Variants in RB1 observed in about 807,000 individuals in gnomAD.
RB1 encodes the protein RB transcriptional corepressor 1.
In RB1, 18 loss-of-function variants were observed where a neutral mutation model predicts 135.4. The observed-to-expected ratio is 0.13, with a 90% CI of 0.09 to 0.20. RB1 has a LOEUF of 0.20. RB1 is among the 10% of genes least tolerant of loss of function. The probability of loss-of-function intolerance (pLI) is 1.00; values close to 1 mark genes in which losing one functional copy is unlikely to be tolerated. For synonymous variants in RB1, 365 were observed against 373.2 expected (o/e 0.98, Z 0.25); for missense variants, 868 against 1,110.0 (o/e 0.78, Z 3.10).
chr13:48,441,819 T>C (rs1394988815), intron 17 of RB1, among the ~76,000 whole-genome samples: 1 of 152,174 alleles, frequency 6.6e-6, no homozygotes, highest in Non-Finnish European at 1.5e-5. Context: ...CATTCTGTGG[T>C]ATAGAGATCC....
chr13:48,427,207 C>T (rs1360779678), intron 17 of RB1, among the ~76,000 whole-genome samples: 13 of 114,974 alleles, frequency 1.1e-4, no homozygotes, highest in African/African-American at 1.3e-4. Flanking sequence ...GGGGAGCACA[C>T]TTCAACACGA....
chr13:48,449,725 T>TA (rs1021332919), intron 17 of RB1, among the ~76,000 whole-genome samples: 7 of 151,198 alleles, frequency 4.6e-5, no homozygotes, highest in South Asian at 2.1e-4. Flanking sequence ...CCCTGTCTCT[T>TA]AAAAAAAAAG....
chr13:48,456,732 A>G lies in RB1; in HGVS notation c.1960+383A>G, dbSNP rs568074285. ...CAAGCATGAGATCTGGCCATTGCCC[A>G]CAGTCAGAAATGCTGGCTGCTGCAG... On this transcript the variant is annotated intron_variant, in intron 19 of 26. Coordinates refer to ENST00000267163, the MANE Select transcript of RB1 (RefSeq NM_000321.3). Among the ~76,000 whole-genome samples, 3 of 152,366 alleles carry G rather than the reference A, an allele frequency of 2.0e-5. No individual in the cohort carries two copies. The East Asian group carries it at 5.8e-4, about 29-fold the overall frequency.
At chr13:48,311,470 T>G (rs1952130179) in intron 2 of RB1, among the ~76,000 whole-genome samples, 1 of 152,214 alleles carries the variant, frequency 6.6e-6, no homozygotes, top group Non-Finnish European at 1.5e-5. Context: ...GTGTGGTATA[T>G]AGCATGTTGC....
chr13:48,445,096 A>G (rs1269433230), intron 17 of RB1: 1 of 152,242 alleles, frequency 6.6e-6, no homozygotes, highest in African/African-American at 2.4e-5. Flanking sequence ...CGCCTGGCAT[A>G]TTCTTGAGAC....
At chr13:48,314,789 A>AG (rs1303143443) in intron 2 of RB1, among the ~76,000 whole-genome samples, 1 of 151,888 alleles carries the variant, frequency 6.6e-6, no homozygotes, top group Non-Finnish European at 1.5e-5. Context: ...CAAAAAAAAA[A>AG]AGAAAAAGCA....
rs183898408 is a variant in RB1 at position 48,364,952 on chromosome 13, C to T, written c.920C>T (p.Thr307Ile). The stretch of plus-strand genomic sequence containing the variant: ...TTTATGAATTCTCTTGGACTTGTAA[C>T]ATCTAATGGACTTCCAGAGGTAATC... ...IPFMNSLGLV[T>I]SNGLPEVENL... Residue 307 changes from threonine to isoleucine, a missense_variant, in exon 9 of 27, where the codon ACA becomes ATA. Coordinates refer to ENST00000267163, the MANE Select transcript of RB1 (RefSeq NM_000321.3). The T allele has an allele frequency of 1.1e-3, 1,739 of 1,571,430 alleles. 7 individuals carry two copies. Among genetic ancestry groups the T allele is most frequent in the South Asian group, 4.6e-3 (396 of 86,602 alleles).
At chr13:48,375,747 T>C (rs1461048926) in intron 12 of RB1, among the ~76,000 whole-genome samples, 2 of 151,400 alleles carry the variant, frequency 1.3e-5, no homozygotes, top group Non-Finnish European at 2.9e-5. Flanking sequence ...TCCAGCTAAT[T>C]ATTGTAATTT....
At chr13:48,362,584 G>A (rs1237679733) in intron 7 of RB1, among the ~76,000 whole-genome samples, 1 of 152,130 alleles carries the variant, frequency 6.6e-6, no homozygotes, top group African/African-American at 2.4e-5. Context: ...TTATGAGACT[G>A]TAGTTTACAG....
intron 9 of RB1, among the ~76,000 whole-genome samples, chr13:48,365,605 C>A (rs922273156): frequency 1.2e-4 from 19 of 152,096 alleles, no homozygotes; most frequent in African/African-American, 4.6e-4. Context: ...TGATGAAGAA[C>A]AAAACCAGTG....
intron 12 of RB1, among the ~76,000 whole-genome samples, chr13:48,375,638 C>T (rs1028052786): frequency 1.3e-5 from 2 of 151,604 alleles, no homozygotes; most frequent in Non-Finnish European, 2.9e-5. Context: ...AGTGAAATGG[C>T]ATGATAATTG....
chr13:48,445,330 C>T (rs1949277740), intron 17 of RB1: 1 of 152,160 alleles, frequency 6.6e-6, no homozygotes, highest in Non-Finnish European at 1.5e-5. Context: ...GTGACTTATC[C>T]TAAAACAGAG....
chr13:48,445,352 A>G (rs1187130842), intron 17 of RB1: 2 of 152,178 alleles, frequency 1.3e-5, no homozygotes, highest in African/African-American at 4.8e-5. Flanking sequence ...TTCTGTTGTA[A>G]TTGGTTTACT....
At chr13:48,340,243 C>T (rs1952430607) in intron 2 of RB1, among the ~76,000 whole-genome samples, 1 of 152,018 alleles carries the variant, frequency 6.6e-6, no homozygotes, top group Non-Finnish European at 1.5e-5. Context: ...AGATACCTAC[C>T]ACTGAAAACA....
At chr13:48,313,745 CTTTTTTT>C (rs56131979) in intron 2 of RB1, among the ~76,000 whole-genome samples, 2 of 101,954 alleles carry the variant, frequency 2.0e-5, no homozygotes, top group African/African-American at 3.8e-5. Flanking sequence ...TATGTTTATT[CTTTTTTT>C]TTTTTTTTTT....
chr13:48,441,937 C>G (rs1949241170), intron 17 of RB1, among the ~76,000 whole-genome samples: 3 of 152,120 alleles, frequency 2.0e-5, no homozygotes, highest in Non-Finnish European at 4.4e-5. Context: ...TAGTCATGAG[C>G]ATTATTAATA....
rs561145207 is a variant in RB1, at chr13:48,320,374, G to T, written c.264+12968G>T. The T allele has an allele frequency of 4.9e-6, 6 of 1,219,644 alleles. No individual in the cohort carries two copies. In the East Asian group the frequency reaches 1.2e-4, roughly 24 times the overall value. 75.6% of individuals were successfully genotyped at this position (1,219,644 alleles called of 1,614,324 possible). A position where few individuals can be genotyped will look rare whatever the true frequency, so the allele number is the denominator to read the frequency against. On this transcript the variant is annotated intron_variant, in intron 2 of 26. Coordinates refer to ENST00000267163, the MANE Select transcript of RB1 (RefSeq NM_000321.3). ...CGACACGCTCTCCACCCCCTCGTCA[G>T]CCTCCGAGAAGCACCCGGGGAACCT... is the stretch of plus-strand genomic sequence containing the variant.
chr13:48,309,496 C>G (rs1422901398), intron 2 of RB1, among the ~76,000 whole-genome samples: 2 of 152,176 alleles, frequency 1.3e-5, no homozygotes, highest in African/African-American at 4.8e-5. Flanking sequence ...GAATGTATGA[C>G]TTGGGTATTA....
chr13:48,332,207 G>T (rs1364416379), intron 2 of RB1, among the ~76,000 whole-genome samples: 1 of 152,196 alleles, frequency 6.6e-6, no homozygotes, highest in East Asian at 1.9e-4. Context: ...TAAAAAGGTG[G>T]TTAGCAGGGG....
Sources: gnomAD v4.1 joint callset for allele counts (sites outside exome capture counted in the v4.1 genomes callset) on GRCh38, gnomAD v4.1.1 for gene constraint, MANE v1.5 for transcripts, NCBI Gene and HGNC (gene_info 2026-07-23, HGNC 2026-07-21) for gene names.